The following CSMD2 variants were observed in gnomAD, a reference collection of about 807,000 sequenced individuals.
CSMD2 encodes the protein CUB and sushi domain-containing protein 2.
CSMD2 carries 130 observed loss-of-function variants against 398.5 expected under a neutral mutation model. The observed-to-expected ratio is 0.33, with a 90% confidence interval of 0.28 to 0.38. The LOEUF is 0.38. Ranked by LOEUF, CSMD2 falls within the 10% of genes least tolerant of loss-of-function variation. The probability of loss-of-function intolerance (pLI) is 1.00; values close to 1 mark genes in which losing one functional copy is unlikely to be tolerated. For missense variants in CSMD2, 3,829 were observed against 4,764.9 expected, an observed-to-expected ratio of 0.80 and a Z score of 5.78; for synonymous variants, 1,828 against 1,908.5, an observed-to-expected ratio of 0.96 and a Z score of 1.10.
At chr1:33,560,647 C>T (rs993563577) in intron 53 of CSMD2, among the ~76,000 whole-genome samples, 21 of 152,256 alleles carry the variant, frequency 1.4e-4, no homozygotes, top group Non-Finnish European at 2.9e-4. Flanking sequence ...CCTAGTTGGC[C>T]AGCATGGCCA....
At position 33,952,386 on chromosome 1, in the gene CSMD2, G is replaced by A. The variant is rs534403374; in HGVS notation, c.518-16432C>T. Among the ~76,000 whole-genome samples, 443 of 152,240 alleles carry A rather than the reference G, an allele frequency of 2.9e-3. 1 individual carries two copies. The highest frequency in any genetic ancestry group is 1.0e-2 in the African/African-American group (415 of 41,536). On this transcript the variant is annotated intron_variant, in intron 3 of 70. Coordinates refer to ENST00000373381, the MANE Select transcript of CSMD2 (RefSeq NM_001281956.2). ...ACATGAAGTTCTTCTCTGCCCCAGG[G>A]CCTTTACACAATATTCCCTGGCCCA... is the stretch of plus-strand genomic sequence containing the variant.
chr1:33,719,163 C>T (rs951734937), intron 19 of CSMD2, among the ~76,000 whole-genome samples: 35 of 152,088 alleles, frequency 2.3e-4, no homozygotes, highest in African/African-American at 7.7e-4. Flanking sequence ...GTGCATGTGC[C>T]CACGTGCATG....
intron 2 of CSMD2, among the ~76,000 whole-genome samples, chr1:34,072,335 C>G (rs1039354493): frequency 6.6e-6 from 1 of 152,124 alleles, no homozygotes; most frequent in African/African-American, 2.4e-5. Flanking sequence ...ATGACAAGTC[C>G]AAACCTGCCT....
chr1:33,887,903 G>A (rs930343551), intron 5 of CSMD2, among the ~76,000 whole-genome samples: 1 of 152,090 alleles, frequency 6.6e-6, no homozygotes, highest in Non-Finnish European at 1.5e-5. Flanking sequence ...TGATGAGAGA[G>A]TTCAGTAAGA....
chr1:33,548,658 A>G (rs193102837), intron 56 of CSMD2, among the ~76,000 whole-genome samples: 54 of 152,346 alleles, frequency 3.5e-4, no homozygotes, highest in Non-Finnish European at 6.9e-4. Context: ...TATCTGTGGT[A>G]TATACCTAAT....
At chr1:33,990,719 T>C (rs1279993398) in intron 3 of CSMD2, among the ~76,000 whole-genome samples, 1 of 152,178 alleles carries the variant, frequency 6.6e-6, no homozygotes, top group Non-Finnish European at 1.5e-5. Flanking sequence ...CCTTACATTC[T>C]TAAATCTAAA....
Position 33,835,397 on chromosome 1 carries a change from C to T in CSMD2, c.1034-9623G>A, listed in dbSNP as rs1221802539. Among the ~76,000 whole-genome samples, 2 of 49,034 alleles carry T rather than the reference C, an allele frequency of 4.1e-5. 1 individual carries two copies. The highest frequency in any genetic ancestry group is 6.0e-5 in the Non-Finnish European group (2 of 33,142). 32.2% of individuals were successfully genotyped at this position (49,034 alleles called of 152,430 possible). Reference sequence around the variant, plus strand: ...AACCATCATTCTCAGTAAACTATCGCAAGAACAAAAAACCAAACACTGCGT... The same window carrying T: ...AACCATCATTCTCAGTAAACTATCGTAAGAACAAAAAACCAAACACTGCGT... On this transcript the variant is annotated intron_variant, in intron 6 of 70. Coordinates refer to ENST00000373381, the MANE Select transcript of CSMD2 (RefSeq NM_001281956.2).
chr1:33,989,013 C>CAT (rs71029018), intron 3 of CSMD2, among the ~76,000 whole-genome samples: 22 of 94,790 alleles, frequency 2.3e-4, no homozygotes, highest in African/African-American at 2.8e-4. Flanking sequence ...TCTCTCTCTC[C>CAT]ATATATATAT....
chr1:33,615,896 A>G, intron 39 of CSMD2, among the ~76,000 whole-genome samples: 1 of 152,146 alleles, frequency 6.6e-6, no homozygotes, highest in East Asian at 1.9e-4. Flanking sequence ...GGGGCACCTC[A>G]CAATCGACTG....
At chr1:34,088,940 C>T in intron 2 of CSMD2, 37 bp downstream of exon 2, 1 of 1,545,360 alleles carries the variant, frequency 6.5e-7, no homozygotes, top group South Asian at 1.1e-5. Flanking sequence ...GCTCATAGCC[C>T]AGCTGTTTGC....
Position 33,989,648 on chromosome 1 carries a change from T to TA in CSMD2, c.517+42945dup, listed in dbSNP as rs148165016. 9.7e-3 allele frequency among the ~76,000 whole-genome samples: 1,466 copies of TA among 151,830 alleles called. 23 individuals carry two copies. The highest frequency in any genetic ancestry group is 0.033 in the African/African-American group (1,378 of 41,408). ...AATAAAACTGAATAGTTTTCAGCAG[T>TA]AAAAAAAATGAATGAACTCCTGATA... On this transcript the variant is annotated intron_variant, in intron 3 of 70. Transcript: ENST00000373381.
chr1:33,898,594 C>A (rs1005624200), intron 5 of CSMD2, among the ~76,000 whole-genome samples: 1 of 152,112 alleles, frequency 6.6e-6, no homozygotes, highest in African/African-American at 2.4e-5. Flanking sequence ...GAATCTTTTC[C>A]AGCCGGGGCT....
At chr1:33,988,490 C>G (rs1646436185) in intron 3 of CSMD2, among the ~76,000 whole-genome samples, 1 of 152,220 alleles carries the variant, frequency 6.6e-6, no homozygotes, top group Non-Finnish European at 1.5e-5. Context: ...GTTGCCCTCT[C>G]TGTTTCATTC....
intron 3 of CSMD2, among the ~76,000 whole-genome samples, chr1:34,019,992 T>C (rs1231155887): frequency 6.6e-6 from 1 of 152,162 alleles, no homozygotes; most frequent in Non-Finnish European, 1.5e-5. Context: ...ACAATAGTAA[T>C]GCAAAACAAC....
At chr1:33,808,157 T>C (rs1656434931) in intron 10 of CSMD2, among the ~76,000 whole-genome samples, 2 of 152,088 alleles carry the variant, frequency 1.3e-5, no homozygotes, top group Non-Finnish European at 2.9e-5. Context: ...TAAAGAATAA[T>C]AGGCAAATCC....
At chr1:34,102,465 G>A (rs1224318527) in intron 1 of CSMD2, among the ~76,000 whole-genome samples, 1 of 152,156 alleles carries the variant, frequency 6.6e-6, no homozygotes, top group Non-Finnish European at 1.5e-5. Context: ...AAAAGCCAAA[G>A]TCCTCACCAT....
At chr1:34,109,404 C>CT (rs1303253153) in intron 1 of CSMD2, among the ~76,000 whole-genome samples, 1 of 152,196 alleles carries the variant, frequency 6.6e-6, no homozygotes, top group Non-Finnish European at 1.5e-5. Flanking sequence ...TGGCTCAGCT[C>CT]AGACCAGTCT....
rs371176266 is a variant in CSMD2, at chr1:33,858,716, A to G, written c.921-11720T>C. On this transcript the variant is annotated intron_variant, in intron 5 of 70. Transcript: ENST00000373381. The stretch of plus-strand genomic sequence containing the variant: ...TATGTAGCGATCCAAGTGAATTCAG[A>G]TGATTCCCTGGACTACCACCCTCCT... Among the ~76,000 whole-genome samples, 12 of 152,300 alleles carry G rather than the reference A, an allele frequency of 7.9e-5. No homozygotes were observed. In the East Asian group the frequency reaches 1.4e-3, roughly 17 times the overall value.
chr1:34,082,429 C>T (rs548097639), intron 2 of CSMD2, among the ~76,000 whole-genome samples: 1,805 of 152,044 alleles, frequency 0.012, 29 homozygotes, highest in African/African-American at 0.04. Context: ...GGCGCCCCCG[C>T]CTGGCAGCCG....
Sources: gnomAD v4.1 joint callset for allele counts (sites outside exome capture counted in the v4.1 genomes callset) on GRCh38, gnomAD v4.1.1 for gene constraint, MANE v1.5 for transcripts, NCBI Gene and HGNC (gene_info 2026-07-23, HGNC 2026-07-21) for gene names.